The following LDLRAD3 variants were observed in gnomAD, a reference collection of about 807,000 sequenced individuals.
LDLRAD3 encodes the protein low-density lipoprotein receptor class A domain-containing protein 3.
A neutral mutation model predicts 29.4 loss-of-function variants in LDLRAD3; 20 were observed. That is an observed-to-expected ratio of 0.68 (90% CI 0.48 to 0.99). The LOEUF (loss-of-function observed/expected upper bound fraction) is 0.99. Among genes scored for constraint, LDLRAD3 ranks in the 50% least tolerant of loss-of-function variants. The pLI, the probability that LDLRAD3 is intolerant of heterozygous loss-of-function variation, is 0.00. For synonymous variants in LDLRAD3, 157 were observed against 192.7 expected (o/e 0.81, Z 1.53); for missense variants, 420 against 454.3 (o/e 0.92, Z 0.69).
intron 3 of LDLRAD3, 133 bp from the exon 4 acceptor site, chr11:36,098,194 C>A: frequency 9.2e-7 from 1 of 1,092,654 alleles, no homozygotes; most frequent in Non-Finnish European, 1.3e-6. Context: ...ACAGCATGGG[C>A]TTTGAGTCTG....
intron 2 of LDLRAD3, among the ~76,000 whole-genome samples, chr11:36,060,379 T>C (rs1240729412): frequency 1.3e-5 from 2 of 149,492 alleles, no homozygotes; most frequent in South Asian, 4.3e-4. Flanking sequence ...AAAAAAGTTA[T>C]ATAACTCACA....
chr11:36,214,578 A>G (rs1238971791), intron 4 of LDLRAD3, among the ~76,000 whole-genome samples: 1 of 152,226 alleles, frequency 6.6e-6, no homozygotes, highest in Non-Finnish European at 1.5e-5. Flanking sequence ...TTCAGCCACA[A>G]GGGTGGTTTT....
At chr11:35,997,423 G>T in intron 1 of LDLRAD3, 1 of 414,186 alleles carries the variant, frequency 2.4e-6, no homozygotes, top group South Asian at 2.0e-5. Flanking sequence ...GTGGTTCCTT[G>T]AGGGCTTTGC....
At chr11:36,026,891 T>C (rs1027233530) in intron 1 of LDLRAD3, among the ~76,000 whole-genome samples, 1 of 152,230 alleles carries the variant, frequency 6.6e-6, no homozygotes, top group African/African-American at 2.4e-5. Flanking sequence ...AATCAAGAAA[T>C]AACCATAAAA....
At chr11:36,081,497 G>C (rs909597788) in intron 2 of LDLRAD3, among the ~76,000 whole-genome samples, 156 bp from the exon 3 acceptor site, 4 of 152,200 alleles carry the variant, frequency 2.6e-5, no homozygotes, top group African/African-American at 7.2e-5. Context: ...AATCTGGCTG[G>C]GTGTTTGAGG....
intron 4 of LDLRAD3, among the ~76,000 whole-genome samples, chr11:36,116,275 C>T (rs1236145069): frequency 6.6e-6 from 1 of 152,234 alleles, no homozygotes; most frequent in African/African-American, 2.4e-5. Flanking sequence ...CTGTCTCTGA[C>T]AGCTGACAAG....
At chr11:36,177,065 C>T (rs1278684543) in intron 4 of LDLRAD3, among the ~76,000 whole-genome samples, 3 of 151,702 alleles carry the variant, frequency 2.0e-5, no homozygotes, top group Non-Finnish European at 4.4e-5. Flanking sequence ...GCCTTGTCTT[C>T]GAGCTCTGAA....
At chr11:36,065,253 A>G (rs1205757759) in intron 2 of LDLRAD3, among the ~76,000 whole-genome samples, 1 of 152,206 alleles carries the variant, frequency 6.6e-6, no homozygotes, top group African/African-American at 2.4e-5. Flanking sequence ...ATTTTATCAT[A>G]AAAGTTCTAC....
intron 4 of LDLRAD3, among the ~76,000 whole-genome samples, chr11:36,128,665 A>G (rs1853879253): frequency 1.3e-5 from 2 of 152,134 alleles, no homozygotes; most frequent in Non-Finnish European, 2.9e-5. Flanking sequence ...CTTGGGCAAC[A>G]TGGTGAAACC....
At chr11:36,223,200 G>A (rs1314677226) in intron 4 of LDLRAD3, among the ~76,000 whole-genome samples, 1 of 152,164 alleles carries the variant, frequency 6.6e-6, no homozygotes, top group Non-Finnish European at 1.5e-5. Flanking sequence ...AATTTCTCAG[G>A]CAAATGTGAT....
intron 2 of LDLRAD3, among the ~76,000 whole-genome samples, chr11:36,069,761 C>T (rs779643309): frequency 3.9e-5 from 6 of 152,066 alleles, no homozygotes; most frequent in Admixed American, 1.3e-4. Context: ...TTTACACAGG[C>T]GGCTTGGAAC....
intron 2 of LDLRAD3, among the ~76,000 whole-genome samples, chr11:36,063,950 C>G (rs1423654006): frequency 6.6e-6 from 1 of 152,148 alleles, no homozygotes; most frequent in Admixed American, 6.5e-5. Context: ...TGCCAAGAAG[C>G]TAGCTGAGAT....
chr11:35,971,889 T>G (rs1029698867), intron 1 of LDLRAD3, among the ~76,000 whole-genome samples: 1 of 151,850 alleles, frequency 6.6e-6, no homozygotes, highest in Non-Finnish European at 1.5e-5. Context: ...ATTATTGGGA[T>G]GGGGAAGGAG....
chr11:36,025,968 C>T (rs563487186), intron 1 of LDLRAD3, among the ~76,000 whole-genome samples: 4 of 150,716 alleles, frequency 2.7e-5, no homozygotes, highest in East Asian at 2.0e-4. Context: ...TTCATAGAGA[C>T]GGGGTTTCAC....
intron 1 of LDLRAD3, among the ~76,000 whole-genome samples, chr11:35,952,342 G>A (rs1461492533): frequency 6.6e-6 from 1 of 152,138 alleles, no homozygotes; most frequent in Non-Finnish European, 1.5e-5. Flanking sequence ...TTCCAGCATT[G>A]CATAGGGATG....
chr11:35,967,153 C>G (rs1279231307), intron 1 of LDLRAD3: 2 of 192,018 alleles, frequency 1.0e-5, no homozygotes, highest in African/African-American at 2.3e-5. Context: ...GGGACTGGGC[C>G]TGCTGGGCTT....
At chr11:36,059,387 C>T (rs59142473) in intron 2 of LDLRAD3, among the ~76,000 whole-genome samples, 5,324 of 151,824 alleles carry the variant, frequency 0.035, 285 homozygotes, top group African/African-American at 0.12. Flanking sequence ...TAAGGTCACT[C>T]CCCTGTAATG....
chr11:35,997,272 C>A, intron 1 of LDLRAD3: 1 of 357,328 alleles, frequency 2.8e-6, no homozygotes, highest in South Asian at 2.6e-5. Flanking sequence ...ACAGACTGGG[C>A]AGTTCCCAGG....
At chr11:36,191,599 T>TATATAC (rs1554972506) in intron 4 of LDLRAD3, among the ~76,000 whole-genome samples, 39 of 93,116 alleles carry the variant, frequency 4.2e-4, no homozygotes, top group Middle Eastern at 5.6e-3. Flanking sequence ...TATATATATA[T>TATATAC]ACACACACAC....
Sources: allele counts gnomAD v4.1 joint callset (sites outside exome capture counted in the v4.1 genomes callset), GRCh38; gene constraint gnomAD v4.1.1; transcripts MANE v1.5; gene names NCBI Gene and HGNC (gene_info 2026-07-23, HGNC 2026-07-21).